FAT3: variants seen among roughly 807,000 people sequenced by gnomAD.
FAT3 encodes FAT atypical cadherin 3, also known as protocadherin Fat 3.
In FAT3, 95 loss-of-function variants were observed where a neutral mutation model predicts 310.2. The observed-to-expected ratio is 0.31, with a 90% confidence interval of 0.26 to 0.36. The LOEUF is 0.36. Among genes scored for constraint, FAT3 ranks in the 10% least tolerant of loss-of-function variants. The pLI, the probability that FAT3 is intolerant of heterozygous loss-of-function variation, is 1.00. For missense variants in FAT3, 5,408 were observed against 5,715.6 expected, an observed-to-expected ratio of 0.95 and a Z score of 1.74; for synonymous variants, 2,314 against 2,192.9, an observed-to-expected ratio of 1.06 and a Z score of -1.54.
At chr11:92,231,250 G>GAAC (rs1000260009) in intron 1 of FAT3, among the ~76,000 whole-genome samples, 4 of 152,098 alleles carry the variant, frequency 2.6e-5, no homozygotes, top group African/African-American at 9.7e-5. Context: ...CTTTGTCACA[G>GAAC]AACACCTCAG....
At chr11:92,476,254 G>GCCA (rs1276089537) in intron 2 of FAT3, among the ~76,000 whole-genome samples, 1 of 152,114 alleles carries the variant, frequency 6.6e-6, no homozygotes, top group Non-Finnish European at 1.5e-5. Context: ...TTTTGTTGAA[G>GCCA]CCACCTGAAA....
chr11:92,636,037 C>A (rs529938311), intron 3 of FAT3, among the ~76,000 whole-genome samples: 4 of 152,122 alleles, frequency 2.6e-5, no homozygotes, highest in Non-Finnish European at 4.4e-5. Context: ...CATCTTGGCT[C>A]ACTGCAACCT....
At chr11:92,715,024 G>A (rs908610160) in intron 4 of FAT3, among the ~76,000 whole-genome samples, 1 of 151,570 alleles carries the variant, frequency 6.6e-6, no homozygotes, top group African/African-American at 2.4e-5. Flanking sequence ...TTTGTTACAT[G>A]GATTTGGGAC....
At chr11:92,660,177 T>C (rs1213991242) in intron 3 of FAT3, among the ~76,000 whole-genome samples, 1 of 152,036 alleles carries the variant, frequency 6.6e-6, no homozygotes. Flanking sequence ...TAGCAACATT[T>C]GTTTATTATT....
chr11:92,751,096 A>G (rs1945816402), intron 4 of FAT3, among the ~76,000 whole-genome samples: 1 of 152,188 alleles, frequency 6.6e-6, no homozygotes, highest in African/African-American at 2.4e-5. Context: ...TGCTGAGGCC[A>G]GGGAAAGGAC....
At chr11:92,238,977 G>T (rs192164644) in intron 1 of FAT3, among the ~76,000 whole-genome samples, 1 of 152,002 alleles carries the variant, frequency 6.6e-6, no homozygotes, top group Non-Finnish European at 1.5e-5. Flanking sequence ...TCATTTTTGC[G>T]TTTGTTAATA....
chr11:92,790,278 A>C, intron 8 of FAT3, 60 bp downstream of exon 8: 10 of 1,549,586 alleles, frequency 6.5e-6, no homozygotes, highest in Non-Finnish European at 8.8e-6. Context: ...GGCCACACAC[A>C]TTAGCCTTCA....
At position 92,225,038 on chromosome 11, in the gene FAT3, C is replaced by G. The variant is rs375224273; in HGVS notation, c.-154C>G. On this transcript the variant is annotated 5_prime_UTR_variant, in exon 1 of 28. Coordinates refer to ENST00000525166, the MANE Select transcript of FAT3 (RefSeq NM_001367949.2). ...AGCGCTTCTGCTCGCGGCCTCAGTC[C>G]CGGCTAGCGCGCGGTGGGCGCTGCG... Among the ~76,000 whole-genome samples the G allele has an allele frequency of 3.9e-5, 6 of 152,120 alleles. No homozygotes were observed. The East Asian group carries it at 7.8e-4, about 20-fold the overall frequency.
rs1591769189 is a variant in FAT3 at position 92,813,480 on chromosome 11, A to C, written c.9481+3404A>C. On this transcript the variant is annotated intron_variant, in intron 13 of 27. Coordinates refer to ENST00000525166, the MANE Select transcript of FAT3 (RefSeq NM_001367949.2). ...GTTTGCCTGTATATATTTCTATGCA[A>C]TGTTATCACCTGTGCAGCTTCATTT... Among the ~76,000 whole-genome samples the C allele has an allele frequency of 5.3e-5, 8 of 152,100 alleles. No individual in the cohort carries two copies. The South Asian group carries it at 1.7e-3, about 32-fold the overall frequency.
intron 2 of FAT3, among the ~76,000 whole-genome samples, chr11:92,364,527 G>A (rs1016412635): frequency 6.6e-6 from 1 of 152,166 alleles, no homozygotes; most frequent in South Asian, 2.1e-4. Context: ...ACAGTTGGAA[G>A]AATTATAGAG....
intron 3 of FAT3, among the ~76,000 whole-genome samples, chr11:92,531,909 TCTG>T (rs1210841133): frequency 6.6e-6 from 1 of 152,116 alleles, no homozygotes; most frequent in Non-Finnish European, 1.5e-5. Flanking sequence ...ATCCCTGGCC[TCTG>T]CTAGATGCCA....
intron 2 of FAT3, among the ~76,000 whole-genome samples, chr11:92,445,157 T>C (rs1183890652): frequency 6.6e-6 from 1 of 152,168 alleles, no homozygotes; most frequent in African/African-American, 2.4e-5. Context: ...GAAAATAAAA[T>C]ACGTTATTTA....
chr11:92,832,573 G>T (rs578131285), intron 14 of FAT3, among the ~76,000 whole-genome samples: 1 of 152,226 alleles, frequency 6.6e-6, no homozygotes, highest in East Asian at 1.9e-4. Flanking sequence ...TGACCCCCAG[G>T]TTGGCTCCAG....
chr11:92,582,308 CAGT>C (rs1189662294), intron 3 of FAT3, among the ~76,000 whole-genome samples: 2 of 151,874 alleles, frequency 1.3e-5, no homozygotes, highest in Non-Finnish European at 2.9e-5. Flanking sequence ...GAATGCAGTC[CAGT>C]AGGTTTCAGC....
At chr11:92,835,200 C>A in intron 15 of FAT3, 116 bp downstream of exon 15, 1 of 775,720 alleles carries the variant, frequency 1.3e-6, no homozygotes, top group Non-Finnish European at 2.0e-6. Context: ...CTTTCAGTGT[C>A]CATTTGTCCC....
chr11:92,235,600 G>C (rs991824479), intron 1 of FAT3, among the ~76,000 whole-genome samples: 3 of 152,162 alleles, frequency 2.0e-5, no homozygotes, highest in African/African-American at 7.2e-5. Flanking sequence ...CTTGGTTAGT[G>C]ATTATGGACT....
chr11:92,285,073 G>A (rs1397001270), intron 1 of FAT3, among the ~76,000 whole-genome samples: 2 of 152,130 alleles, frequency 1.3e-5, no homozygotes, highest in Non-Finnish European at 2.9e-5. Context: ...GGAAACACAG[G>A]AGGGCAGTGA....
At chr11:92,391,955 G>T (rs1949760322) in intron 2 of FAT3, among the ~76,000 whole-genome samples, 1 of 152,208 alleles carries the variant, frequency 6.6e-6, no homozygotes, top group East Asian at 1.9e-4. Context: ...CCCAAGAGGT[G>T]CACTACTGTC....
chr11:92,788,705 T>C (rs755302732), intron 7 of FAT3, among the ~76,000 whole-genome samples: 10 of 152,000 alleles, frequency 6.6e-5, no homozygotes, highest in Non-Finnish European at 1.2e-4. Flanking sequence ...AAAAAGGAAA[T>C]TGAACCTTAG....
Sources: gnomAD v4.1 joint callset for allele counts (sites outside exome capture counted in the v4.1 genomes callset) on GRCh38, gnomAD v4.1.1 for gene constraint, MANE v1.5 for transcripts, NCBI Gene and HGNC (gene_info 2026-07-23, HGNC 2026-07-21) for gene names.